SPRR2G: variants seen among roughly 807,000 people sequenced by gnomAD.
SPRR2G encodes the protein small proline rich protein 2G.
In SPRR2G, 1 loss-of-function variant was observed where a neutral mutation model predicts 0.7. The observed-to-expected ratio is 1.49, with a 90% CI of 0.53 to 7.06. SPRR2G has a LOEUF of 7.06. Ranked by LOEUF, SPRR2G falls within the 30% of genes most tolerant of loss-of-function variation. The pLI, the probability that SPRR2G is intolerant of heterozygous loss-of-function variation, is 0.14. For synonymous variants in SPRR2G, 38 were observed against 33.9 expected, an observed-to-expected ratio of 1.12 and a Z score of -0.42; for missense variants, 96 against 88.5, an observed-to-expected ratio of 1.09 and a Z score of -0.34.
At chr1:153,151,811 T>C (rs1176572692), upstream of SPRR2G, among the ~76,000 whole-genome samples, 1 of 152,248 alleles carries the variant, frequency 6.6e-6, no homozygotes, top group Non-Finnish European at 1.5e-5. Flanking sequence ...CTATTTATCC[T>C]GCTGTTTACT....
the SPRR2G span, among the ~76,000 whole-genome samples, chr1:153,163,446 T>C: frequency 1.3e-5 from 2 of 152,206 alleles, no homozygotes; most frequent in Non-Finnish European, 2.9e-5. Context: ...ATTGGAATTA[T>C]GGGTGATAGA....
chr1:153,156,021 A>G, the SPRR2G span, among the ~76,000 whole-genome samples: 3 of 151,508 alleles, frequency 2.0e-5, no homozygotes, highest in Non-Finnish European at 4.4e-5. Context: ...GAGTAGTCAG[A>G]CTGCAACTTC....
the SPRR2G span, among the ~76,000 whole-genome samples, chr1:153,172,954 C>T: frequency 2.6e-5 from 4 of 151,992 alleles, no homozygotes; most frequent in South Asian, 2.1e-4. Flanking sequence ...AATAGACAGG[C>T]GGACAAACAT....
chr1:153,152,420 G>A (rs1656491341), upstream of SPRR2G, among the ~76,000 whole-genome samples: 1 of 152,116 alleles, frequency 6.6e-6, no homozygotes. Context: ...CCAGAAGAAT[G>A]CTGTGTTGTA....
At chr1:153,178,464 C>T in the SPRR2G span, among the ~76,000 whole-genome samples, 2 of 152,114 alleles carry the variant, frequency 1.3e-5, no homozygotes, top group African/African-American at 4.8e-5. Context: ...CATAGATGAC[C>T]TTCATCGCAT....
upstream of SPRR2G, among the ~76,000 whole-genome samples, chr1:153,153,474 A>G (rs1656515694): frequency 6.6e-6 from 1 of 152,182 alleles, no homozygotes; most frequent in Admixed American, 6.5e-5. Context: ...TGTAAGGTGC[A>G]AATAAAATAA....
chr1:153,155,656 C>A (rs1291319570), upstream of SPRR2G, among the ~76,000 whole-genome samples: 1 of 152,182 alleles, frequency 6.6e-6, no homozygotes, highest in African/African-American at 2.4e-5. Flanking sequence ...CATTACATAG[C>A]CCTTCCTTCG....
chr1:153,159,703 A>T, the SPRR2G span, among the ~76,000 whole-genome samples: 1 of 152,228 alleles, frequency 6.6e-6, no homozygotes, highest in Non-Finnish European at 1.5e-5. Flanking sequence ...GGGAGGCCTC[A>T]GGAAACTTAC....
At chr1:153,170,157 A>G in the SPRR2G span, among the ~76,000 whole-genome samples, 28 of 152,198 alleles carry the variant, frequency 1.8e-4, no homozygotes, top group Non-Finnish European at 3.4e-4. Flanking sequence ...ATGTATTTGG[A>G]ATTGTATTAG....
chr1:153,165,659 A>G, the SPRR2G span, among the ~76,000 whole-genome samples: 1 of 152,200 alleles, frequency 6.6e-6, no homozygotes, highest in Non-Finnish European at 1.5e-5. Context: ...GGTTGAGAAC[A>G]CAGCATGTAT....
the SPRR2G span, among the ~76,000 whole-genome samples, chr1:153,165,343 T>C: frequency 2.0e-5 from 3 of 152,192 alleles, no homozygotes; most frequent in Admixed American, 6.5e-5. Context: ...AGAGGAAGCC[T>C]ACTACAGAGC....
At chr1:153,166,331 T>C in the SPRR2G span, among the ~76,000 whole-genome samples, 3 of 152,302 alleles carry the variant, frequency 2.0e-5, no homozygotes, top group African/African-American at 4.8e-5. Context: ...TTTTTAATCA[T>C]TGAGGATGAA....
At chr1:153,197,915 A>G in the SPRR2G span, among the ~76,000 whole-genome samples, 3 of 152,260 alleles carry the variant, frequency 2.0e-5, no homozygotes, top group Non-Finnish European at 4.4e-5. Flanking sequence ...CCTGGCCAAC[A>G]TGTGCCAAGA....
chr1:153,181,449 A>G, the SPRR2G span, among the ~76,000 whole-genome samples: 1 of 152,154 alleles, frequency 6.6e-6, no homozygotes, highest in African/African-American at 2.4e-5. Flanking sequence ...TGAAAGATAC[A>G]ACACATTCTC....
chr1:153,167,904 A>G, the SPRR2G span, among the ~76,000 whole-genome samples: 1 of 152,228 alleles, frequency 6.6e-6, no homozygotes, highest in African/African-American at 2.4e-5. Flanking sequence ...ACTTGCTAAT[A>G]ATATGGCAAT....
the SPRR2G span, among the ~76,000 whole-genome samples, chr1:153,188,309 A>G: frequency 1.3e-5 from 2 of 152,032 alleles, no homozygotes; most frequent in African/African-American, 4.8e-5. Flanking sequence ...ACCCACAGCC[A>G]CCCCTTCCCC....
At chr1:153,185,973 C>T in the SPRR2G span, among the ~76,000 whole-genome samples, 601 of 152,168 alleles carry the variant, frequency 3.9e-3, 9 homozygotes, top group African/African-American at 0.013. Context: ...CATTATTTAC[C>T]CAGTAATCAT....
chr1:153,197,144 GTGTGTGTGTGTGTGTGTGT>G, the SPRR2G span, among the ~76,000 whole-genome samples: 2 of 71,228 alleles, frequency 2.8e-5, no homozygotes, highest in Admixed American at 1.4e-4. Context: ...GTGTGTGTGT[GTGTGTGTGTGTGTGTGTGT>G]GTGTGTGTGT....
the SPRR2G span, among the ~76,000 whole-genome samples, chr1:153,186,129 T>C: frequency 6.6e-6 from 1 of 152,214 alleles, no homozygotes; most frequent in Admixed American, 6.5e-5. Context: ...GTGTTTTACT[T>C]CCAATTATGT....
Sources: allele counts gnomAD v4.1 joint callset (sites outside exome capture counted in the v4.1 genomes callset), GRCh38; gene constraint gnomAD v4.1.1; transcripts MANE v1.5; gene names NCBI Gene and HGNC (gene_info 2026-07-23, HGNC 2026-07-21).